Variants in CIBAR2 observed in about 807,000 individuals in gnomAD.
CIBAR2 encodes CBY1 interacting BAR domain containing 2.
CIBAR2 carries 38 observed loss-of-function variants against 36.2 expected under a neutral mutation model. The observed-to-expected ratio is 1.05, with a 90% CI of 0.81 to 1.38. The LOEUF (loss-of-function observed/expected upper bound fraction) is 1.38, where lower values mean the gene tolerates loss of function less well. Ranked by LOEUF, CIBAR2 falls within the 40% of genes most tolerant of loss-of-function variation. The pLI is 0.00. For synonymous variants in CIBAR2, 182 were observed against 149.5 expected (o/e 1.22, Z -1.58); for missense variants, 481 against 383.4 (o/e 1.25, Z -2.13).
intron 2 of CIBAR2, among the ~76,000 whole-genome samples, chr16:85,109,878 G>A (rs1272480688): frequency 6.6e-6 from 1 of 152,156 alleles, no homozygotes; most frequent in African/African-American, 2.4e-5. Flanking sequence ...TGAACACCCT[G>A]CAGCCTCCTT....
rs755776810 is a variant in CIBAR2, at chr16:85,112,295, C to T, written c.20+38G>A. 23 of 1,611,220 alleles carry T rather than the reference C, an allele frequency of 1.4e-5. No homozygotes were observed. In the Admixed American group the frequency reaches 2.7e-4, roughly 19 times the overall value. On this transcript the variant is annotated intron_variant, in intron 1 of 8. Coordinates refer to ENST00000539556, the MANE Select transcript of CIBAR2 (RefSeq NM_198491.3). ...GCCCCGGGCCTCAAAACCCGACTTCCACCTCCCTCACAGCCAGGCTGGCGC... is the reference window on the plus strand; with the variant it reads ...GCCCCGGGCCTCAAAACCCGACTTCTACCTCCCTCACAGCCAGGCTGGCGC...
intron 7 of CIBAR2, among the ~76,000 whole-genome samples, chr16:85,100,644 A>G (rs1401693927): frequency 6.6e-6 from 1 of 152,190 alleles, no homozygotes; most frequent in African/African-American, 2.4e-5. Context: ...CCCCATCAGG[A>G]GCTGGAATCA....
At position 85,108,279 on chromosome 16, in the gene CIBAR2, C is replaced by G. The variant is rs139162213; in HGVS notation, c.256-180G>C. On this transcript the variant is annotated intron_variant, in intron 2 of 8. Transcript: ENST00000539556. ...GAGGCACGGAGCTGGGTTCAGGGCC[C>G]GGCTCTGCCTCCCGAGGGCTCCAGC... 9.2e-5 allele frequency among the ~76,000 whole-genome samples: 14 copies of G among 152,300 alleles called. No homozygotes were observed. The East Asian group carries it at 2.3e-3, about 25-fold the overall frequency.
chr16:85,110,586 G>A lies in CIBAR2; in HGVS notation c.21-126C>T, dbSNP rs570534551. On this transcript the variant is annotated intron_variant, in intron 1 of 8. Coordinates refer to ENST00000539556, the MANE Select transcript of CIBAR2 (RefSeq NM_198491.3). ...CCGGCCTCTGGTGTGGCACGCACATGCCACAGGCTGTCACTCAAGGTGGCA... is the reference window on the plus strand; with the variant it reads ...CCGGCCTCTGGTGTGGCACGCACATACCACAGGCTGTCACTCAAGGTGGCA... 3.5e-4 allele frequency: 223 copies of A among 637,274 alleles called. No individual in the cohort carries two copies. The African/African-American group carries it at 4.0e-3, about 11-fold the overall frequency. 39.5% of individuals were successfully genotyped at this position (637,274 alleles called of 1,614,324 possible).
At position 85,107,937 on chromosome 16, in the gene CIBAR2, T is replaced by G; in HGVS notation, c.335A>C (p.Lys112Thr). 6.2e-7 allele frequency: 1 copy of G among 1,614,178 alleles called. No individual in the cohort carries two copies. Among genetic ancestry groups the G allele is most frequent in the Non-Finnish European group, 8.5e-7 (1 of 1,179,964 alleles). Residue 112 changes from lysine (K) to threonine (T), a missense_variant, in exon 4 of 9, where the codon AAG (lysine) becomes ACG (threonine). Coordinates refer to ENST00000539556, the MANE Select transcript of CIBAR2 (RefSeq NM_198491.3). Reference protein sequence around the residue: ...AQIKQTRAEIKKFKHVQNHEI... With the variant: ...AQIKQTRAEITKFKHVQNHEI... The stretch of plus-strand genomic sequence containing the variant: ...ATGATTTTGGACATGTTTGAATTTC[T>G]TGATCTCAGCCTGCAGAAAAGGAGG...
intron 1 of CIBAR2, 139 bp downstream of exon 1, chr16:85,112,194 C>G (rs60296580): frequency 0.43 from 310,534 of 714,260 alleles, 72,281 homozygotes; most frequent in Middle Eastern, 0.54. Context: ...GGTGGAGGCA[C>G]CGTGGGAGGG....
At chr16:85,103,131 G>C (rs1186773089) in intron 6 of CIBAR2, among the ~76,000 whole-genome samples, 1 of 152,172 alleles carries the variant, frequency 6.6e-6, no homozygotes, top group East Asian at 1.9e-4. Context: ...TCGAACTCCT[G>C]ACCTCAAGTG....
intron 2 of CIBAR2, among the ~76,000 whole-genome samples, chr16:85,108,601 G>A (rs369163384): frequency 1.1e-4 from 17 of 152,224 alleles, no homozygotes; most frequent in South Asian, 4.1e-4. Flanking sequence ...GGCCGGGCGC[G>A]ATGGCTCACG....
intron 2 of CIBAR2, among the ~76,000 whole-genome samples, chr16:85,109,552 C>G (rs1226127150): frequency 6.6e-6 from 1 of 152,186 alleles, no homozygotes; most frequent in African/African-American, 2.4e-5. Flanking sequence ...GAGATAAAGT[C>G]TTGTACTGTC....
At chr16:85,105,226 ACACT>A in intron 6 of CIBAR2, 97 bp downstream of exon 6, 1 of 717,910 alleles carries the variant, frequency 1.4e-6, no homozygotes, top group Admixed American at 2.1e-5. Context: ...AGACCCATAC[ACACT>A]CATGCTGAAG....
chr16:85,099,424 C>T (rs1185667847), intron 8 of CIBAR2, 78 bp from the exon 9 acceptor site: 1 of 830,572 alleles, frequency 1.2e-6, no homozygotes, highest in African/African-American at 1.7e-5. Context: ...ACCTAATCAC[C>T]TCCCTAACCT....
chr16:85,110,311 G>A lies in CIBAR2; in HGVS notation c.170C>T (p.Ala57Val). Reference sequence around the variant, plus strand: ...CCGCAGCTCGGGGTTCTCGGAGTTGGCAAAGTCGATGAGCTGCTTGACCAG... The same window carrying A: ...CCGCAGCTCGGGGTTCTCGGAGTTGACAAAGTCGATGAGCTGCTTGACCAG... The part of the protein sequence containing the change: ...DQLVKQLIDF[A>V]NSENPELRAT... The change falls in exon 2 of 9, where the codon GCC (alanine) becomes GTC (valine). Residue 57 changes from alanine (A) to valine (V), a missense_variant. Transcript: ENST00000539556. 6.2e-7 allele frequency: 1 copy of A among 1,612,192 alleles called. No homozygotes were observed. Among genetic ancestry groups the A allele is most frequent in the South Asian group, 1.1e-5 (1 of 90,916 alleles).
At chr16:85,107,569 C>G (rs1262884481) in intron 5 of CIBAR2, 98 bp downstream of exon 5, 2 of 1,356,534 alleles carry the variant, frequency 1.5e-6, no homozygotes, top group South Asian at 1.2e-5. Context: ...CCTGCACACA[C>G]CTGCTTCAGA....
chr16:85,100,146 G>A lies in CIBAR2; in HGVS notation c.746C>T (p.Ala249Val). The change falls in exon 8 of 9, where the codon GCC becomes GTC. Residue 249 changes from alanine (A) to valine (V), a missense_variant. By Grantham distance (64) the Ala-to-Val change is moderately conservative. Transcript: ENST00000539556. ...SPPPSVLQSL[A>V]SQGTLQVQLS... is the part of the protein sequence containing the mutation. ...ACCCACCCACACGCTCACCTGGCTG[G>A]CGAGAGACTGAAGAACAGATGGAGG... The A allele has an allele frequency of 6.2e-7, 1 of 1,609,604 alleles. No individual in the cohort carries two copies. Among genetic ancestry groups the A allele is most frequent in the Non-Finnish European group, 8.5e-7 (1 of 1,178,182 alleles).
chr16:85,108,171 G>C, intron 2 of CIBAR2, 72 bp from the exon 3 acceptor site: 1 of 1,438,114 alleles, frequency 7.0e-7, no homozygotes, highest in Non-Finnish European at 9.4e-7. Flanking sequence ...ATATAAAGCA[G>C]AGCCGGCACC....
rs1858002705 is a variant in CIBAR2 at position 85,098,461 on chromosome 16, G to C, written c.*724C>G. 2.2e-6 allele frequency: 2 copies of C among 914,158 alleles called. No homozygotes were observed. Among genetic ancestry groups the C allele is most frequent in the Admixed American group, 6.2e-5 (1 of 16,196 alleles). 56.6% of individuals were successfully genotyped at this position (914,158 alleles called of 1,614,324 possible). On this transcript the variant is annotated 3_prime_UTR_variant, in exon 9 of 9. Coordinates refer to ENST00000539556, the MANE Select transcript of CIBAR2 (RefSeq NM_198491.3). ...GATATTGGCCCTGTTGTACAGATGAGGAAACTGAGGCTCAGAGGACACGTG... is the reference window on the plus strand; with the variant it reads ...GATATTGGCCCTGTTGTACAGATGACGAAACTGAGGCTCAGAGGACACGTG...
chr16:85,099,379 C>T (rs550087599), intron 8 of CIBAR2, 33 bp from the exon 9 acceptor site: 2 of 1,173,178 alleles, frequency 1.7e-6, no homozygotes, highest in Non-Finnish European at 1.3e-6. Flanking sequence ...GATGGCAGGC[C>T]TTCCTGGGGC....
intron 8 of CIBAR2, among the ~76,000 whole-genome samples, chr16:85,099,638 T>A (rs961447725): frequency 6.6e-6 from 1 of 150,808 alleles, no homozygotes; most frequent in Admixed American, 6.6e-5. Context: ...TTTTTTTTTT[T>A]CCTGAGACAG....
intron 5 of CIBAR2, among the ~76,000 whole-genome samples, chr16:85,106,474 A>C (rs2073996610): frequency 6.6e-6 from 1 of 152,150 alleles, no homozygotes; most frequent in Admixed American, 6.5e-5. Flanking sequence ...TGCTACAAGC[A>C]GTGCAATCAA....
Sources: allele counts gnomAD v4.1 joint callset (sites outside exome capture counted in the v4.1 genomes callset), GRCh38; gene constraint gnomAD v4.1.1; transcripts MANE v1.5; gene names NCBI Gene and HGNC (gene_info 2026-07-23, HGNC 2026-07-21).